The following NBPF12 variants were observed in gnomAD, a reference collection of about 807,000 sequenced individuals.
NBPF12 encodes NBPF family member NBPF12.
In NBPF12, 115 loss-of-function variants were observed where a neutral mutation model predicts 146.4. That is an observed-to-expected ratio of 0.79 (90% CI 0.68 to 0.92). The LOEUF is 0.92. NBPF12 is among the 40% of genes least tolerant of loss of function. The pLI, the probability that NBPF12 is intolerant of heterozygous loss-of-function variation, is 0.00. For synonymous variants in NBPF12, 385 were observed against 508.9 expected (o/e 0.76, Z 3.28); for missense variants, 1,205 against 1,326.8 (o/e 0.91, Z 1.43).
intron 7 of NBPF12, among the ~76,000 whole-genome samples, 182 bp downstream of exon 10, chr1:146,964,611 T>TCTGTACCATACAAGTCTGTATG (rs1656073646): frequency 6.6e-6 from 1 of 151,884 alleles, no homozygotes; most frequent in Non-Finnish European, 1.5e-5. Flanking sequence ...GTGTGCCAAG[T>TCTGTACCATACAAGTCTGTATG]GTCATGTCTG....
chr1:146,940,073 A>G (rs1429501303), intron 1 of NBPF12, among the ~76,000 whole-genome samples: 1 of 152,094 alleles, frequency 6.6e-6, no homozygotes, highest in African/African-American at 2.4e-5. Context: ...AATGAATCCC[A>G]CTGCTTCACG....
intron 13 of NBPF12, among the ~76,000 whole-genome samples, chr1:146,972,437 A>T (rs1444760353): frequency 6.6e-6 from 1 of 151,470 alleles, no homozygotes; most frequent in Non-Finnish European, 1.5e-5. Flanking sequence ...TTAAAAAAGC[A>T]AAATGAAATC....
chr1:146,982,825 G>A, intron 19 of NBPF12, 103 bp from the exon 23 acceptor site: 1 of 1,443,116 alleles, frequency 6.9e-7, no homozygotes, highest in Non-Finnish European at 9.6e-7. Context: ...TTTGGTTTCT[G>A]TGACCACTCC....
intron 4 of NBPF12, among the ~76,000 whole-genome samples, chr1:146,961,687 A>T (rs1363692263): frequency 0.029 from 4,374 of 152,048 alleles, 95 homozygotes; most frequent in Admixed American, 0.06. Flanking sequence ...CTGAATATTG[A>T]TTTAAAAATG....
upstream of NBPF12, among the ~76,000 whole-genome samples, chr1:146,948,059 C>T (rs1444980512): frequency 6.6e-6 from 1 of 151,852 alleles, no homozygotes; most frequent in Non-Finnish European, 1.5e-5. Flanking sequence ...TCCTTGGGCT[C>T]GAATGCAACG....
At chr1:146,994,292 C>G in intron 33 of NBPF12, 40 bp from the exon 37 acceptor site, 2 of 1,609,454 alleles carry the variant, frequency 1.2e-6, no homozygotes, top group Non-Finnish European at 8.5e-7. Context: ...TGGTGTCTGA[C>G]TTTCCCTGGC....
chr1:146,981,355 GA>G (rs1156503015), intron 19 of NBPF12, among the ~76,000 whole-genome samples: 6 of 130,904 alleles, frequency 4.6e-5, no homozygotes, highest in African/African-American at 8.5e-5. Flanking sequence ...TATACATATG[GA>G]AAAAAAAAGA....
Position 146,942,567 on chromosome 1 carries a change from T to TC in NBPF12, c.-821-722dup, listed in dbSNP as rs1654855748. On this transcript the variant is annotated intron_variant, in intron 1 of 35. Coordinates refer to the NBPF12 transcript ENST00000617931. ...CATACTAATACCATATTCAGCAATC[T>TC]CCAAGTGTCACGGTTTTCACCATCT... Among the ~76,000 whole-genome samples, 3 of 150,556 alleles carry TC rather than the reference T, an allele frequency of 2.0e-5. No homozygotes were observed. The Admixed American group carries it at 2.0e-4, about 10-fold the overall frequency.
At chr1:146,976,824 C>T (rs1490975374) in intron 16 of NBPF12, 105 bp from the exon 20 acceptor site, 42 of 561,390 alleles carry the variant, frequency 7.5e-5, no homozygotes, top group Non-Finnish European at 1.1e-4. Context: ...TTCAGTTGAA[C>T]GGTGACCCAT....
At chr1:146,962,612 A>T (rs1348819060) in intron 5 of NBPF12, among the ~76,000 whole-genome samples, 1 of 151,404 alleles carries the variant, frequency 6.6e-6, no homozygotes, top group Non-Finnish European at 1.5e-5. Flanking sequence ...TCACCTTCTG[A>T]CTGACTGCGT....
rs1192474711 is a variant in NBPF12, at chr1:146,994,640, G to T, written c.*65G>T. On this transcript the variant is annotated 3_prime_UTR_variant, in exon 34 of 34. Coordinates refer to ENST00000617844, the Ensembl canonical transcript of NBPF12. ...AGGACCTATAGGCACCTGAAGATTT[G>T]AATGAAACTATAGTTCCATTTGGAA... is the stretch of plus-strand genomic sequence containing the variant. 17 of 1,583,250 alleles carry T rather than the reference G, an allele frequency of 1.1e-5. No homozygotes were observed. In the East Asian group the frequency reaches 3.6e-4, roughly 34 times the overall value.
upstream of NBPF12, among the ~76,000 whole-genome samples, chr1:146,945,583 A>G (rs1655015392): frequency 6.6e-6 from 1 of 150,866 alleles, no homozygotes; most frequent in Admixed American, 6.6e-5. Flanking sequence ...ACAGGATGCC[A>G]CCAAAACCTT....
chr1:146,975,443 G>A (rs1163056543), intron 15 of NBPF12, among the ~76,000 whole-genome samples: 2 of 150,326 alleles, frequency 1.3e-5, no homozygotes, highest in African/African-American at 5.0e-5. Context: ...GTTTACAGAG[G>A]GGAAAGATGA....
intron 1 of NBPF12, 46 bp from the exon 5 acceptor site, chr1:146,951,302 C>G: frequency 2.9e-6 from 2 of 691,842 alleles, no homozygotes; most frequent in Non-Finnish European, 5.2e-6. Flanking sequence ...TTGGTAAAAC[C>G]TTTTCCTCTG....
exon 3 of NBPF12, chr1:146,959,913 A>C: frequency 4.1e-6 from 1 of 242,752 alleles, no homozygotes; most frequent in Non-Finnish European, 7.1e-6. Context: ...GAGTCTGAGC[A>C]GTGCTTTCAG....
chr1:146,984,541 A>G (rs1657607160), intron 21 of NBPF12, among the ~76,000 whole-genome samples: 1 of 149,662 alleles, frequency 6.7e-6, no homozygotes, highest in African/African-American at 2.5e-5. Context: ...TGACTCCCTC[A>G]TCAGTGTGTC....
rs1481224894 is a variant in NBPF12, at chr1:146,972,685, C to G, written c.1592-66C>G. The G allele has an allele frequency of 5.5e-6, 7 of 1,275,594 alleles. No homozygotes were observed. The East Asian group carries it at 1.2e-4, about 21-fold the overall frequency. 79.0% of individuals were successfully genotyped at this position (1,275,594 alleles called of 1,614,324 possible). ...AAGGCTACCAGTGACATCCCTCAGTCCTGATTAAGCCTATTTCATTTCATC... is the reference window on the plus strand; with the variant it reads ...AAGGCTACCAGTGACATCCCTCAGTGCTGATTAAGCCTATTTCATTTCATC... On this transcript the variant is annotated intron_variant, in intron 13 of 33. Transcript: ENST00000617844.
intron 1 of NBPF12, among the ~76,000 whole-genome samples, chr1:146,941,294 A>G (rs1312272609): frequency 6.6e-6 from 1 of 151,852 alleles, no homozygotes; most frequent in African/African-American, 2.4e-5. Context: ...CATGTTGCAT[A>G]GCCCGATACG....
rs1655669850 is a variant in NBPF12 at position 146,957,898 on chromosome 1, T to TATAA, written c.-183-1958_-183-1957insAATA. Among the ~76,000 whole-genome samples, 3 of 96,658 alleles carry TATAA rather than the reference T, an allele frequency of 3.1e-5. 1 individual carries two copies. Among genetic ancestry groups the TATAA allele is most frequent in the Non-Finnish European group, 6.2e-5 (3 of 48,178 alleles). 63.4% of individuals were successfully genotyped at this position (96,658 alleles called of 152,430 possible). A position where few individuals can be genotyped will look rare whatever the true frequency, so the allele number is the denominator to read the frequency against. The stretch of plus-strand genomic sequence containing the variant: ...TGTATATTATGTATATACACATATA[T>TATAA]ATACACGTATGTATATACACGTATA... On this transcript the variant is annotated intron_variant, in intron 2 of 33. Coordinates refer to ENST00000617844, the Ensembl canonical transcript of NBPF12.
Sources: gnomAD v4.1 joint callset for allele counts (sites outside exome capture counted in the v4.1 genomes callset) on GRCh38, gnomAD v4.1.1 for gene constraint, MANE v1.5 for transcripts, NCBI Gene and HGNC (gene_info 2026-07-23, HGNC 2026-07-21) for gene names.